XRCC5: variants seen among roughly 807,000 people sequenced by gnomAD.
The protein encoded by XRCC5 is DNA repair protein Ku80.
Under a neutral mutation model 95.7 loss-of-function variants are expected in XRCC5, and 12 were observed. That is an observed-to-expected ratio of 0.13 (90% CI 0.08 to 0.20). The LOEUF is 0.20. Ranked by LOEUF, XRCC5 falls within the 10% of genes least tolerant of loss-of-function variation. The pLI, the probability that XRCC5 is intolerant of heterozygous loss-of-function variation, is 1.00. For synonymous variants in XRCC5, 281 were observed against 290.3 expected, an observed-to-expected ratio of 0.97 and a Z score of 0.33; for missense variants, 595 against 873.9, an observed-to-expected ratio of 0.68 and a Z score of 4.02.
intron 16 of XRCC5, among the ~76,000 whole-genome samples, chr2:216,163,851 C>T (rs1689000665): frequency 6.6e-6 from 1 of 152,320 alleles, no homozygotes; most frequent in East Asian, 1.9e-4. Context: ...CAGTAATCTG[C>T]AGTCTCTTAA....
At chr2:216,166,784 C>T (rs933079044) in intron 16 of XRCC5, among the ~76,000 whole-genome samples, 1 of 151,870 alleles carries the variant, frequency 6.6e-6, no homozygotes, top group Non-Finnish European at 1.5e-5. Flanking sequence ...ACAATTCCTG[C>T]GCGATTATGT....
chr2:216,133,952 C>T (rs533973210), intron 10 of XRCC5, among the ~76,000 whole-genome samples: 149 of 152,160 alleles, frequency 9.8e-4, no homozygotes, highest in Admixed American at 3.2e-3. Flanking sequence ...GGAGAATTAT[C>T]TTGTAGAATA....
At position 216,190,167 on chromosome 2, in the gene XRCC5, G is replaced by A. The variant is rs572130281; in HGVS notation, c.1835-58G>A. The A allele has an allele frequency of 3.0e-5, 44 of 1,451,160 alleles. 1 individual carries two copies. In the South Asian group the frequency reaches 5.1e-4, roughly 17 times the overall value. The allele number at this position is 1,451,160 out of a possible 1,614,324, so 89.9% of individuals were successfully genotyped here. A position where few individuals can be genotyped will look rare whatever the true frequency, so the allele number is the denominator to read the frequency against. On this transcript the variant is annotated intron_variant, in intron 16 of 20. Coordinates refer to ENST00000392132, the MANE Select transcript of XRCC5 (RefSeq NM_021141.4). ...CATACTTATAGGCACAAACACAGAAGCATACCCTCTCTCAGGCATCACTCA... is the reference window on the plus strand; with the variant it reads ...CATACTTATAGGCACAAACACAGAAACATACCCTCTCTCAGGCATCACTCA...
intron 16 of XRCC5, chr2:216,175,948 C>A: frequency 2.9e-6 from 1 of 350,008 alleles, no homozygotes; most frequent in South Asian, 2.6e-5. Context: ...TCCTTTGGAT[C>A]ATGGCCTTCC....
At chr2:216,180,875 C>T (rs574734364) in intron 16 of XRCC5, among the ~76,000 whole-genome samples, 20 of 150,344 alleles carry the variant, frequency 1.3e-4, no homozygotes, top group Non-Finnish European at 1.8e-4. Flanking sequence ...TGCAATGGCG[C>T]GATCTCGGCT....
At chr2:216,141,990 A>C (rs1305400499) in intron 13 of XRCC5, among the ~76,000 whole-genome samples, 1 of 151,650 alleles carries the variant, frequency 6.6e-6, no homozygotes, top group African/African-American at 2.4e-5. Flanking sequence ...GGAGATGGAG[A>C]GTGGAGTTAG....
Position 216,162,028 on chromosome 2 carries a change from A to C in XRCC5, c.1814A>C (p.Lys605Thr), listed in dbSNP as rs778076339. The change falls in exon 16 of 21, where the codon AAG (lysine) becomes ACG (threonine). Residue 605 changes from lysine to threonine, a missense_variant. Lys to Thr is a moderately conservative substitution (Grantham distance 78). Around this residue, in one of 2 missense-constraint regions of XRCC5, gnomAD observed 309 missense variants for 382.9 expected, o/e 0.81. Coordinates refer to ENST00000392132, the MANE Select transcript of XRCC5 (RefSeq NM_021141.4). ...AENFRVLVKQ[K>T]KASFEEASNQ... ...AACTTCCGTGTTCTAGTGAAACAGA[A>C]GAAGGCCAGCTTTGAGGAAGGTGAG... 2.5e-5 allele frequency: 40 copies of C among 1,614,220 alleles called. 1 individual carries two copies. The Middle Eastern group carries it at 2.8e-3, about 113-fold the overall frequency.
At chr2:216,170,650 C>T (rs930750813) in intron 16 of XRCC5, among the ~76,000 whole-genome samples, 3 of 152,158 alleles carry the variant, frequency 2.0e-5, no homozygotes, top group Admixed American at 2.0e-4. Flanking sequence ...AAATCCAAAC[C>T]ATATCATTTC....
At chr2:216,139,516 C>G (rs1479483119) in intron 12 of XRCC5, among the ~76,000 whole-genome samples, 1 of 152,120 alleles carries the variant, frequency 6.6e-6, no homozygotes, top group Admixed American at 6.5e-5. Context: ...ATTCATTTAC[C>G]TCCCCCTGGG....
intron 8 of XRCC5, among the ~76,000 whole-genome samples, chr2:216,130,428 G>A (rs1170181581): frequency 2.6e-5 from 4 of 151,694 alleles, no homozygotes; most frequent in South Asian, 4.2e-4. Context: ...TCCAGCATAC[G>A]TTTTTGAGAA....
intron 16 of XRCC5, among the ~76,000 whole-genome samples, chr2:216,177,618 T>G (rs1021380259): frequency 1.3e-5 from 2 of 152,202 alleles, no homozygotes; most frequent in Admixed American, 6.5e-5. Context: ...CGATTAATTG[T>G]GAGAAATGAA....
At chr2:216,184,032 C>CTGTGTGTGTG (rs3221952) in intron 16 of XRCC5, among the ~76,000 whole-genome samples, 3,160 of 145,624 alleles carry the variant, frequency 0.022, 49 homozygotes, top group South Asian at 0.042. Context: ...TAAGTCAGCA[C>CTGTGTGTGTG]TGTGTGTGTG....
intron 6 of XRCC5, among the ~76,000 whole-genome samples, chr2:216,123,805 CAAAA>C (rs1696859919): frequency 6.6e-6 from 1 of 151,922 alleles, no homozygotes. Flanking sequence ...GACTCCGTCT[CAAAA>C]AGAAAAGAAA....
rs775971989 is a variant in XRCC5 at position 216,148,138 on chromosome 2, A to T, written c.1532A>T (p.His511Leu). ...GAGCCTCTACCCCCAATTCAGCAGC[A>T]TATTTGGAATATGCTGAATCCTCCC... Reference protein sequence around the residue: ...PREPLPPIQQHIWNMLNPPAE... With the variant: ...PREPLPPIQQLIWNMLNPPAE... The change falls in exon 14 of 21, where the codon CAT becomes CTT. Residue 511 changes from histidine (H) to leucine (L), a missense_variant. Around this residue, in one of 2 missense-constraint regions of XRCC5, gnomAD observed 309 missense variants for 382.9 expected, o/e 0.81. Coordinates refer to ENST00000392132, the MANE Select transcript of XRCC5 (RefSeq NM_021141.4). 1.9e-6 allele frequency: 3 copies of T among 1,614,010 alleles called. No individual in the cohort carries two copies. The highest frequency in any genetic ancestry group is 2.5e-6 in the Non-Finnish European group (3 of 1,179,978).
At chr2:216,135,927 AG>A (rs1261100296) in intron 10 of XRCC5, among the ~76,000 whole-genome samples, 18 of 152,146 alleles carry the variant, frequency 1.2e-4, no homozygotes, top group Non-Finnish European at 2.1e-4. Flanking sequence ...GGGGAAAGAT[AG>A]TAAGTTTAGG....
intron 5 of XRCC5, among the ~76,000 whole-genome samples, chr2:216,120,143 A>G (rs1221198884): frequency 6.6e-6 from 1 of 152,218 alleles, no homozygotes; most frequent in Non-Finnish European, 1.5e-5. Context: ...ATAACCCATC[A>G]AACCAATACT....
In XRCC5 at chr2:216,171,610, A is replaced by G. The variant is rs149376441; in HGVS notation, c.1834+9562A>G. On this transcript the variant is annotated intron_variant, in intron 16 of 20. Coordinates refer to ENST00000392132, the MANE Select transcript of XRCC5 (RefSeq NM_021141.4). Reference sequence around the variant, plus strand: ...CTCTCAGTGGTAATGAGGCTCAGCCATAACACTCAGGATAATATGGTATTT... The same window carrying G: ...CTCTCAGTGGTAATGAGGCTCAGCCGTAACACTCAGGATAATATGGTATTT... Among the ~76,000 whole-genome samples the G allele has an allele frequency of 6.3e-3, 953 of 152,368 alleles. 5 individuals are homozygous for G. Among genetic ancestry groups the G allele is most frequent in the Non-Finnish European group, 9.8e-3 (668 of 68,042 alleles).
chr2:216,187,822 C>CACACACACACACAG, intron 16 of XRCC5, among the ~76,000 whole-genome samples: 1 of 27,846 alleles, frequency 3.6e-5, no homozygotes. Flanking sequence ...CACACACACA[C>CACACACACACACAG]TCTCTCTCTC....
rs372014947 is a variant in XRCC5 at position 216,190,287 on chromosome 2, A to G, written c.1897A>G (p.Met633Val). The G allele has an allele frequency of 6.2e-6, 10 of 1,613,962 alleles. No individual in the cohort carries two copies. In the African/African-American group the frequency reaches 1.3e-4, roughly 22 times the overall value. The change falls in exon 17 of 21, where the codon ATG (methionine) becomes GTG (valine). Residue 633 changes from methionine to valine, a missense_variant. By Grantham distance (21) the Met-to-Val change is conservative. This residue lies in a region of XRCC5 where 309 missense variants were observed against 382.9 expected (regional missense o/e 0.81). Coordinates refer to ENST00000392132, the MANE Select transcript of XRCC5 (RefSeq NM_021141.4). Reference sequence around the variant, plus strand: ...GGATACTAATGAAACACCGTATTTTATGAAGAGCATAGACTGCATCCGAGC... The same window carrying G: ...GGATACTAATGAAACACCGTATTTTGTGAAGAGCATAGACTGCATCCGAGC... ...FLDTNETPYF[M>V]KSIDCIRAFR...
Sources: gnomAD v4.1 joint callset for allele counts (sites outside exome capture counted in the v4.1 genomes callset) on GRCh38, gnomAD v4.1.1 for gene constraint, gnomAD v4.1.1 regional missense constraint, MANE v1.5 for transcripts, NCBI Gene and HGNC (gene_info 2026-07-23, HGNC 2026-07-21) for gene names.